Variants in NSMCE2 observed in about 807,000 individuals in gnomAD.
NSMCE2 encodes E3 SUMO-protein ligase NSE2.
NSMCE2 carries 24 observed loss-of-function variants against 23.8 expected under a neutral mutation model. The observed-to-expected ratio is 1.01, with a 90% CI of 0.73 to 1.42. The LOEUF (loss-of-function observed/expected upper bound fraction) is 1.42, where lower values mean the gene tolerates loss of function less well. Ranked by LOEUF, NSMCE2 falls within the 40% of genes most tolerant of loss-of-function variation. NSMCE2 has a pLI of 0.00. For synonymous variants in NSMCE2, 92 were observed against 94.1 expected, an observed-to-expected ratio of 0.98 and a Z score of 0.13; for missense variants, 284 against 296.5, an observed-to-expected ratio of 0.96 and a Z score of 0.31.
chr8:125,182,196 T>C lies in NSMCE2; in HGVS notation c.358T>C (p.Phe120Leu), dbSNP rs1202551148. The C allele has an allele frequency of 2.5e-6, 4 of 1,607,814 alleles. No homozygotes were observed. The highest frequency in any genetic ancestry group is 3.4e-6 in the Non-Finnish European group (4 of 1,176,626). The change falls in exon 5 of 8, where the codon TTT becomes CTT. Residue 120 changes from phenylalanine (F) to leucine (L), a missense_variant. Around this residue, in one of 2 missense-constraint regions of NSMCE2, gnomAD observed 182 missense variants for 155.5 expected, o/e 1.17. Transcript: ENST00000287437. ...ALQSKNSDAD[F>L]QNNEKFVQFK... is the part of the protein sequence containing the mutation. ...ACAGAGCAAGAATTCTGATGCAGAC[T>C]TTCAAAATAATGAAAAATTTGTACA...
intron 5 of NSMCE2, among the ~76,000 whole-genome samples, chr8:125,237,756 T>G (rs950422601): frequency 6.6e-6 from 1 of 152,180 alleles, no homozygotes; most frequent in East Asian, 1.9e-4. Context: ...CTGCAAGGCT[T>G]ATCAGGGTAA....
At chr8:125,153,149 C>T (rs1821133205) in intron 4 of NSMCE2, among the ~76,000 whole-genome samples, 1 of 150,908 alleles carries the variant, frequency 6.6e-6, no homozygotes, top group African/African-American at 2.4e-5. Flanking sequence ...ACTTCTCACT[C>T]TTTCTCACAT....
At chr8:125,224,157 G>A (rs1398807605) in intron 5 of NSMCE2, among the ~76,000 whole-genome samples, 1 of 152,024 alleles carries the variant, frequency 6.6e-6, no homozygotes, top group African/African-American at 2.4e-5. Context: ...TTAAAATCAG[G>A]TTATTTGTTT....
intron 5 of NSMCE2, among the ~76,000 whole-genome samples, chr8:125,217,502 GGGCACC>G (rs1824649190): frequency 6.6e-6 from 1 of 151,790 alleles, no homozygotes; most frequent in African/African-American, 2.4e-5. Flanking sequence ...CTGGGACTAC[GGGCACC>G]TACCGCCACA....
intron 5 of NSMCE2, among the ~76,000 whole-genome samples, chr8:125,222,977 G>A (rs1005934754): frequency 7.2e-5 from 11 of 152,116 alleles, no homozygotes; most frequent in African/African-American, 1.2e-4. Context: ...TGGGAGGATC[G>A]TTTGAGCCCT....
chr8:125,239,312 G>A (rs866386908), intron 5 of NSMCE2, among the ~76,000 whole-genome samples: 4 of 152,072 alleles, frequency 2.6e-5, no homozygotes, highest in African/African-American at 7.2e-5. Context: ...CAAAAAAATA[G>A]CATTTTAAAA....
At chr8:125,104,991 C>T (rs1818386899) in intron 3 of NSMCE2, among the ~76,000 whole-genome samples, 1 of 152,208 alleles carries the variant, frequency 6.6e-6, no homozygotes. Flanking sequence ...CCACTGTACT[C>T]CAGCCTGGGG....
chr8:125,269,174 T>A (rs189366642), intron 5 of NSMCE2, among the ~76,000 whole-genome samples: 222 of 152,208 alleles, frequency 1.5e-3, no homozygotes, highest in African/African-American at 5.1e-3. Flanking sequence ...TTCAACCTCC[T>A]CCTCCTGGGT....
At chr8:125,259,956 A>G (rs987246851) in intron 5 of NSMCE2, among the ~76,000 whole-genome samples, 1 of 152,166 alleles carries the variant, frequency 6.6e-6, no homozygotes, top group Non-Finnish European at 1.5e-5. Flanking sequence ...ATGTAATCCA[A>G]CCTCTTCTCT....
intron 1 of NSMCE2, among the ~76,000 whole-genome samples, chr8:125,097,464 C>G (rs1424918072): frequency 1.3e-5 from 2 of 152,156 alleles, no homozygotes; most frequent in Non-Finnish European, 2.9e-5. Flanking sequence ...TCATCGTTTA[C>G]TACCTTATGA....
chr8:125,301,941 G>A (rs1047556049), intron 5 of NSMCE2, among the ~76,000 whole-genome samples: 1 of 151,762 alleles, frequency 6.6e-6, no homozygotes, highest in Non-Finnish European at 1.5e-5. Context: ...GGAATTACAG[G>A]CATGAGCCAC....
intron 4 of NSMCE2, among the ~76,000 whole-genome samples, chr8:125,170,415 T>TTTTTTTTTA (rs1199459816): frequency 1.9e-4 from 18 of 93,190 alleles, no homozygotes; most frequent in Admixed American, 3.9e-4. Flanking sequence ...TTTTTTTTTT[T>TTTTTTTTTA]AAGACAGAGT....
intron 5 of NSMCE2, among the ~76,000 whole-genome samples, chr8:125,205,400 A>T (rs1206553227): frequency 1.3e-5 from 2 of 152,222 alleles, no homozygotes; most frequent in African/African-American, 4.8e-5. Flanking sequence ...TGGAACCCCA[A>T]ACTGAAATAT....
At position 125,366,926 on chromosome 8, in the gene NSMCE2, C is replaced by A; in HGVS notation, c.*41C>A. On this transcript the variant is annotated 3_prime_UTR_variant, in exon 8 of 8. Transcript: ENST00000287437. ...TGCAGGGACACCAGCAGCCTACCTC[C>A]TACCCCAGCTGTCTGTTGAGAGCAG... is the stretch of plus-strand genomic sequence containing the variant. 8.9e-7 allele frequency: 1 copy of A among 1,120,680 alleles called. No homozygotes were observed. The highest frequency in any genetic ancestry group is 1.4e-6 in the Non-Finnish European group (1 of 731,052). 69.4% of individuals were successfully genotyped at this position (1,120,680 alleles called of 1,614,324 possible). A position where few individuals can be genotyped will look rare whatever the true frequency, so the allele number is the denominator to read the frequency against.
intron 5 of NSMCE2, among the ~76,000 whole-genome samples, chr8:125,231,166 T>C (rs1040461325): frequency 1.3e-5 from 2 of 152,220 alleles, no homozygotes; most frequent in African/African-American, 4.8e-5. Context: ...GAAAGAAGCA[T>C]TAATTATATG....
chr8:125,260,527 A>C (rs1826643992), intron 5 of NSMCE2, among the ~76,000 whole-genome samples: 1 of 127,724 alleles, frequency 7.8e-6, no homozygotes, highest in South Asian at 2.7e-4. Flanking sequence ...TGAACCTTTC[A>C]CTTTCCTTCT....
intron 7 of NSMCE2, among the ~76,000 whole-genome samples, chr8:125,363,679 G>A (rs1468943603): frequency 6.7e-6 from 1 of 149,062 alleles, no homozygotes; most frequent in African/African-American, 2.5e-5. Flanking sequence ...CGGGGAGGGA[G>A]GGAAGGAAGG....
intron 5 of NSMCE2, among the ~76,000 whole-genome samples, chr8:125,211,778 A>G (rs1032249367): frequency 6.6e-6 from 1 of 152,226 alleles, no homozygotes; most frequent in Non-Finnish European, 1.5e-5. Flanking sequence ...TGCCACTTGT[A>G]TATCCCAGAT....
intron 5 of NSMCE2, among the ~76,000 whole-genome samples, chr8:125,248,934 C>T (rs1444305676): frequency 6.6e-6 from 1 of 152,140 alleles, no homozygotes; most frequent in African/African-American, 2.4e-5. Context: ...CTTTAAGAGG[C>T]TGAGGCAGGC....
Sources: gnomAD v4.1 joint callset for allele counts (sites outside exome capture counted in the v4.1 genomes callset) on GRCh38, gnomAD v4.1.1 for gene constraint, gnomAD v4.1.1 regional missense constraint, MANE v1.5 for transcripts, NCBI Gene and HGNC (gene_info 2026-07-23, HGNC 2026-07-21) for gene names.